The following DENND1A variants were observed in gnomAD, a reference collection of about 807,000 sequenced individuals.
The protein encoded by DENND1A is DENN domain-containing protein 1A.
A neutral mutation model predicts 113.7 loss-of-function variants in DENND1A; 51 were observed. That is an observed-to-expected ratio of 0.45 (90% CI 0.36 to 0.57). DENND1A has a LOEUF of 0.57. Among genes scored for constraint, DENND1A ranks in the 20% least tolerant of loss-of-function variants. The pLI is 0.00. For missense variants in DENND1A, 1,258 were observed against 1,395.9 expected, an observed-to-expected ratio of 0.90 and a Z score of 1.57; for synonymous variants, 565 against 570.8, an observed-to-expected ratio of 0.99 and a Z score of 0.14.
intron 1 of DENND1A, among the ~76,000 whole-genome samples, chr9:123,889,870 G>C (rs1052251782): frequency 2.6e-5 from 4 of 152,084 alleles, no homozygotes; most frequent in Non-Finnish European, 4.4e-5. Context: ...CTACTTGGGA[G>C]GCTGAATCAG....
rs1017965924 is a variant in DENND1A, at chr9:123,440,207, A to G, written c.1488+153T>C. 3.0e-6 allele frequency: 3 copies of G among 1,015,948 alleles called. No individual in the cohort carries two copies. In the African/African-American group the frequency reaches 5.1e-5, roughly 17 times the overall value. The allele number at this position is 1,015,948 out of a possible 1,614,324, so 62.9% of individuals were successfully genotyped here. A position where few individuals can be genotyped will look rare whatever the true frequency, so the allele number is the denominator to read the frequency against. ...AAATTTGCCTGCAAAACATGTTTGC[A>G]CCAAATAAACATTTAAAGATGTGAA... On this transcript the variant is annotated intron_variant, in intron 19 of 23. Coordinates refer to ENST00000394215, the MANE Select transcript of DENND1A (RefSeq NM_001352964.2).
intron 13 of DENND1A, among the ~76,000 whole-genome samples, chr9:123,518,320 G>T (rs1407213966): frequency 6.6e-6 from 1 of 152,188 alleles, no homozygotes; most frequent in Non-Finnish European, 1.5e-5. Context: ...TATAAAGACA[G>T]CCATGTGTTG....
chr9:123,732,293 T>C (rs1276723433), intron 5 of DENND1A, among the ~76,000 whole-genome samples: 1 of 152,212 alleles, frequency 6.6e-6, no homozygotes, highest in Non-Finnish European at 1.5e-5. Flanking sequence ...ACAACCTAAA[T>C]GTCCTTCAAT....
intron 2 of DENND1A, among the ~76,000 whole-genome samples, chr9:123,825,389 T>C (rs751917055): frequency 2.0e-4 from 31 of 152,060 alleles, no homozygotes; most frequent in Non-Finnish European, 3.8e-4. Flanking sequence ...TTTCTCAAGC[T>C]GGTGACACCC....
chr9:123,782,045 G>A (rs1831397896), intron 3 of DENND1A, among the ~76,000 whole-genome samples: 1 of 151,708 alleles, frequency 6.6e-6, no homozygotes, highest in Admixed American at 6.6e-5. Flanking sequence ...ACATTAGCCT[G>A]GGTGACTGGG....
chr9:123,850,575 T>A (rs1487116512), intron 2 of DENND1A, among the ~76,000 whole-genome samples: 1 of 152,182 alleles, frequency 6.6e-6, no homozygotes, highest in East Asian at 1.9e-4. Flanking sequence ...TATGCCTGTA[T>A]TAGTTAACAT....
intron 9 of DENND1A, among the ~76,000 whole-genome samples, chr9:123,651,621 T>C (rs1300835761): frequency 1.3e-5 from 2 of 152,264 alleles, no homozygotes; most frequent in African/African-American, 4.8e-5. Context: ...AAGATGTTCA[T>C]TGCAGTATTA....
intron 1 of DENND1A, among the ~76,000 whole-genome samples, chr9:123,913,777 T>C (rs1256094133): frequency 6.6e-6 from 1 of 151,432 alleles, no homozygotes; most frequent in Non-Finnish European, 1.5e-5. Flanking sequence ...TGGTGGTGCA[T>C]GCCTGTAATC....
chr9:123,879,085 G>A, intron 1 of DENND1A, 64 bp from the exon 2 acceptor site: 1 of 1,511,580 alleles, frequency 6.6e-7, no homozygotes, highest in Non-Finnish European at 9.2e-7. Flanking sequence ...GAACATGTGG[G>A]CTATGGTATT....
At chr9:123,483,334 T>C (rs572419145) in intron 13 of DENND1A, among the ~76,000 whole-genome samples, 2 of 152,314 alleles carry the variant, frequency 1.3e-5, no homozygotes, top group South Asian at 4.1e-4. Context: ...CCGATGGTGG[T>C]CCAGAGATGC....
At chr9:123,633,605 T>C (rs919954846) in intron 9 of DENND1A, among the ~76,000 whole-genome samples, 2 of 151,888 alleles carry the variant, frequency 1.3e-5, no homozygotes, top group African/African-American at 4.8e-5. Context: ...CAAAACCCCA[T>C]CTCTACTAAA....
intron 5 of DENND1A, among the ~76,000 whole-genome samples, chr9:123,751,000 CCAAA>C (rs1426445212): frequency 3.9e-5 from 6 of 152,152 alleles, no homozygotes. Flanking sequence ...CCCCCACCTC[CCAAA>C]CACTTATTTT....
At chr9:123,523,998 A>G (rs17285285) in intron 13 of DENND1A, among the ~76,000 whole-genome samples, 3,189 of 152,314 alleles carry the variant, frequency 0.021, 58 homozygotes, top group Non-Finnish European at 0.029. Flanking sequence ...AAACAGCGTG[A>G]TGACAGAAGG....
At chr9:123,672,419 T>C (rs2063809624) in intron 6 of DENND1A, among the ~76,000 whole-genome samples, 1 of 151,998 alleles carries the variant, frequency 6.6e-6, no homozygotes, top group East Asian at 1.9e-4. Context: ...AAAAAAAAAG[T>C]TTTTATTATT....
intron 5 of DENND1A, among the ~76,000 whole-genome samples, chr9:123,731,380 T>C (rs552761861): frequency 3.3e-5 from 5 of 152,174 alleles, no homozygotes; most frequent in South Asian, 4.1e-4. Context: ...TGGAACAGAA[T>C]AGAGTCCAGA....
chr9:123,885,033 A>ACT (rs990792530), intron 1 of DENND1A, among the ~76,000 whole-genome samples: 10 of 128,376 alleles, frequency 7.8e-5, no homozygotes, highest in Non-Finnish European at 1.1e-4. Context: ...ACACACACTC[A>ACT]CTCTCTCTCT....
chr9:123,701,053 A>G (rs971647626), intron 5 of DENND1A, among the ~76,000 whole-genome samples: 5 of 152,236 alleles, frequency 3.3e-5, no homozygotes, highest in Admixed American at 2.6e-4. Context: ...ATAGAAATGG[A>G]CTGAAGACCT....
At chr9:123,491,485 C>T (rs1014025996) in intron 13 of DENND1A, among the ~76,000 whole-genome samples, 1 of 152,174 alleles carries the variant, frequency 6.6e-6, no homozygotes, top group Admixed American at 6.5e-5. Flanking sequence ...CCTTACCTTG[C>T]ACAGCTGCTG....
chr9:123,676,382 A>G (rs1277954481), intron 6 of DENND1A, among the ~76,000 whole-genome samples: 2 of 152,206 alleles, frequency 1.3e-5, no homozygotes, highest in East Asian at 3.8e-4. Flanking sequence ...CAGCAAAATT[A>G]TAATTTAATA....
Sources: allele counts gnomAD v4.1 joint callset (sites outside exome capture counted in the v4.1 genomes callset), GRCh38; gene constraint gnomAD v4.1.1; transcripts MANE v1.5; gene names NCBI Gene and HGNC (gene_info 2026-07-23, HGNC 2026-07-21).